SF3B1: variants seen among roughly 807,000 people sequenced by gnomAD.
The protein encoded by SF3B1 is splicing factor 3b subunit 1.
Under a neutral mutation model 153.8 loss-of-function variants are expected in SF3B1, and 12 were observed. The observed-to-expected ratio is 0.08, with a 90% CI of 0.05 to 0.13. The LOEUF (loss-of-function observed/expected upper bound fraction) is 0.13, where lower values mean the gene tolerates loss of function less well. Ranked by LOEUF, SF3B1 falls within the 10% of genes least tolerant of loss-of-function variation. SF3B1 has a pLI of 1.00. For synonymous variants in SF3B1, 498 were observed against 525.2 expected, an observed-to-expected ratio of 0.95 and a Z score of 0.71; for missense variants, 513 against 1,606.1, an observed-to-expected ratio of 0.32 and a Z score of 11.63.
Position 197,402,280 on chromosome 2 carries a change from T to C in SF3B1, c.2078-150A>G, listed in dbSNP as rs1369640233. ...TTAGGTAAAAGCAAAACATGAACCA[T>C]AGCCTGTCAGCAGATAATATAACAA... is the stretch of plus-strand genomic sequence containing the variant. On this transcript the variant is annotated intron_variant, in intron 14 of 24. Coordinates refer to ENST00000335508, the MANE Select transcript of SF3B1 (RefSeq NM_012433.4). This position sits in a 1 kb window ranked among gnomAD's most constrained non-coding sequence, Gnocchi z 4.6. The C allele has an allele frequency of 8.3e-6, 7 of 845,112 alleles. No individual in the cohort carries two copies. The highest frequency in any genetic ancestry group is 8.0e-5 in the East Asian group (3 of 37,614). 52.4% of individuals were successfully genotyped at this position (845,112 alleles called of 1,614,324 possible). A position where few individuals can be genotyped will look rare whatever the true frequency, so the allele number is the denominator to read the frequency against.
At chr2:197,430,622 T>G (rs2085413797) in intron 1 of SF3B1, among the ~76,000 whole-genome samples, 1 of 152,120 alleles carries the variant, frequency 6.6e-6, no homozygotes, top group South Asian at 2.1e-4. Flanking sequence ...CCCAGCTAAT[T>G]TTTTTATTTT....
At chr2:197,429,950 T>G (rs993328866) in intron 1 of SF3B1, among the ~76,000 whole-genome samples, 2 of 152,116 alleles carry the variant, frequency 1.3e-5, no homozygotes, top group Admixed American at 6.6e-5. Context: ...GGGAACCAGT[T>G]TAGACAGCCA....
chr2:197,403,111 T>C (rs568114058), intron 12 of SF3B1, 76 bp from the exon 13 acceptor site: 25 of 1,044,896 alleles, frequency 2.4e-5, no homozygotes, highest in Middle Eastern at 2.7e-4. Flanking sequence ...GAATTAAACA[T>C]ACATAAGAAA....
At chr2:197,408,750 C>CT (rs1559268942) in intron 7 of SF3B1, 169 bp from the exon 8 acceptor site, 1 of 592,960 alleles carries the variant, frequency 1.7e-6, no homozygotes, top group Non-Finnish European at 3.0e-6. Context: ...TGATGAAACT[C>CT]TGTCTCTACT....
chr2:197,414,019 G>C (rs2085111061), intron 6 of SF3B1, among the ~76,000 whole-genome samples: 2 of 152,042 alleles, frequency 1.3e-5, no homozygotes, highest in South Asian at 4.1e-4. Context: ...TGTTGGCCAA[G>C]CTGGTCTTGA....
At position 197,390,549 on chromosome 2, in the gene SF3B1, T is replaced by C. The variant is rs535802845; in HGVS notation, c.*1754A>G. The C allele has an allele frequency of 6.6e-6, 1 of 152,130 alleles. No individual in the cohort carries two copies. The highest frequency in any genetic ancestry group is 1.5e-5 in the Non-Finnish European group (1 of 68,032). 9.4% of individuals were successfully genotyped at this position (152,130 alleles called of 1,614,324 possible). ...CAGAAAGTTGTCATACAAGGAATGA[T>C]GAGGAGTTACAAATCCAACTTGGAA... On this transcript the variant is annotated 3_prime_UTR_variant, in exon 25 of 25. Transcript: ENST00000335508.
At chr2:197,425,992 T>C (rs1265048818) in intron 1 of SF3B1, among the ~76,000 whole-genome samples, 1 of 151,760 alleles carries the variant, frequency 6.6e-6, no homozygotes, top group Non-Finnish European at 1.5e-5. Context: ...AGAGAGACTG[T>C]CTCAGAAACA....
chr2:197,400,071 G>C lies in SF3B1; in HGVS notation c.2997C>G (p.Ala999=), dbSNP rs1559265019. Residue 999 remains alanine, a synonymous_variant, in exon 20 of 25, where the codon GCC becomes GCG. Transcript: ENST00000335508. The surrounding 1 kb of genome is among the most constrained non-coding windows in gnomAD (Gnocchi z 5.0). ...VLGSILGALK[A]IVNVIGMHKM... The stretch of plus-strand genomic sequence containing the variant: ...ATTCCATACCTATGACATTTACAAT[G>C]GCCTTCAGTGCTCCAAGAATGCTGC... 6.2e-7 allele frequency: 1 copy of C among 1,607,262 alleles called. No individual in the cohort carries two copies. Among genetic ancestry groups the C allele is most frequent in the Non-Finnish European group, 8.5e-7 (1 of 1,173,978 alleles).
Position 197,390,254 on chromosome 2 carries a change from G to A in SF3B1, c.*2049C>T, listed in dbSNP as rs1017089018. ...CTTTGCTCCACAATGCCACTACAAA[G>A]CCTATTTTCCATAAAGAACCAGAGG... is the stretch of plus-strand genomic sequence containing the variant. On this transcript the variant is annotated 3_prime_UTR_variant, in exon 25 of 25. Transcript: ENST00000335508. 12 of 152,134 alleles carry A rather than the reference G, an allele frequency of 7.9e-5. No homozygotes were observed. Among genetic ancestry groups the A allele is most frequent in the African/African-American group, 2.9e-4 (12 of 41,418 alleles). 9.4% of individuals were successfully genotyped at this position (152,134 alleles called of 1,614,324 possible). A position where few individuals can be genotyped will look rare whatever the true frequency, so the allele number is the denominator to read the frequency against.
At chr2:197,404,150 A>C (rs761769712) in intron 11 of SF3B1, among the ~76,000 whole-genome samples, 1 of 152,238 alleles carries the variant, frequency 6.6e-6, no homozygotes, top group African/African-American at 2.4e-5. Context: ...CTCATTTTTC[A>C]GCATTTTTAT....
At position 197,416,767 on chromosome 2, in the gene SF3B1, T is replaced by C; in HGVS notation, c.640A>G (p.Lys214Glu). The change falls in exon 6 of 25, where the codon AAA becomes GAA. Residue 214 changes from lysine to glutamate, a missense_variant. By Grantham distance (56) the Lys-to-Glu change is moderately conservative. Around this residue, in one of 21 missense-constraint regions of SF3B1, gnomAD observed 17 missense variants for 16.3 expected, o/e 1.05. Transcript: ENST00000335508. Reference protein sequence around the residue: ...ADQTPGATPKKLSSWDQAETP... With the variant: ...ADQTPGATPKELSSWDQAETP... ...TCTGCCTGATCCCAACTTGATAGTT[T>C]TTTGGGAGTGGCACCAGGAGTCTGA... 1.2e-6 allele frequency: 2 copies of C among 1,612,836 alleles called. No homozygotes were observed. Among genetic ancestry groups the C allele is most frequent in the Non-Finnish European group, 1.7e-6 (2 of 1,179,688 alleles).
chr2:197,425,475 A>G (rs1267853527), intron 1 of SF3B1, among the ~76,000 whole-genome samples: 2 of 151,876 alleles, frequency 1.3e-5, no homozygotes, highest in African/African-American at 2.4e-5. Context: ...TCAAAAAATA[A>G]ATAGATAAAT....
chr2:197,410,032 T>C lies in SF3B1; in HGVS notation c.667-25A>G, dbSNP rs781154456. On this transcript the variant is annotated intron_variant, in intron 6 of 24. Coordinates refer to ENST00000335508, the MANE Select transcript of SF3B1 (RefSeq NM_012433.4). ...TCTTAAAAAAGCAAAAAAATTTTATTTCACACACCCACACAGAAATAATTA... is the reference window on the plus strand; with the variant it reads ...TCTTAAAAAAGCAAAAAAATTTTATCTCACACACCCACACAGAAATAATTA... The C allele has an allele frequency of 2.1e-6, 3 of 1,433,398 alleles. No homozygotes were observed. The Admixed American group carries it at 5.6e-5, about 27-fold the overall frequency. 88.8% of individuals were successfully genotyped at this position (1,433,398 alleles called of 1,614,324 possible).
intron 1 of SF3B1, among the ~76,000 whole-genome samples, chr2:197,433,456 AACAT>A (rs565013954): frequency 1.2e-4 from 19 of 152,372 alleles, no homozygotes; most frequent in African/African-American, 4.1e-4. Flanking sequence ...CCAAATGAAT[AACAT>A]CCTGAATGAA....
intron 6 of SF3B1, 84 bp downstream of exon 6, chr2:197,416,657 G>C: frequency 8.2e-7 from 1 of 1,214,332 alleles, no homozygotes; most frequent in East Asian, 2.4e-5. Context: ...GTGGTATCTT[G>C]CTATGGCAAC....
chr2:197,426,557 TAAG>T (rs1309162927), intron 1 of SF3B1, among the ~76,000 whole-genome samples: 1 of 152,134 alleles, frequency 6.6e-6, no homozygotes, highest in African/African-American at 2.4e-5. Context: ...AGGATTTAGG[TAAG>T]AAACAAATGG....
At chr2:197,408,789 G>C (rs2085026727) in intron 7 of SF3B1, 3 of 538,768 alleles carry the variant, frequency 5.6e-6, no homozygotes, top group Non-Finnish European at 9.9e-6. Flanking sequence ...CAGGTGTGGT[G>C]GTGGGCGCTT....
chr2:197,419,167 GCTTT>G, intron 4 of SF3B1: 1 of 483,544 alleles, frequency 2.1e-6, no homozygotes, highest in Non-Finnish European at 3.7e-6. Flanking sequence ...AGGGCTTCAT[GCTTT>G]AAGTTTTGTT....
At chr2:197,398,917 C>T in intron 20 of SF3B1, 1 of 534,522 alleles carries the variant, frequency 1.9e-6, no homozygotes, top group Non-Finnish European at 3.5e-6. Flanking sequence ...ACAATATAAG[C>T]CAGAGGTAAA....
Sources: allele counts gnomAD v4.1 joint callset (sites outside exome capture counted in the v4.1 genomes callset), GRCh38; gene constraint gnomAD v4.1.1; regional missense constraint gnomAD v4.1.1; non-coding constraint Gnocchi (gnomAD v3.1); transcripts MANE v1.5; gene names NCBI Gene and HGNC (gene_info 2026-07-23, HGNC 2026-07-21).